The following ABR variants were observed in gnomAD, a reference collection of about 807,000 sequenced individuals.
The protein encoded by ABR is ABR activator of RhoGEF and GTPase.
In ABR, 35 loss-of-function variants were observed where a neutral mutation model predicts 107.2. That is an observed-to-expected ratio of 0.33 (90% CI 0.25 to 0.43). ABR has a LOEUF of 0.43. Among genes scored for constraint, ABR ranks in the 20% least tolerant of loss-of-function variants. ABR has a pLI of 1.00. For synonymous variants in ABR, 498 were observed against 462.0 expected (o/e 1.08, Z -1.00); for missense variants, 815 against 1,115.2 (o/e 0.73, Z 3.83).
In ABR at chr17:1,139,498, C is replaced by T. The variant is rs186452384; in HGVS notation, c.62-14131G>A. Among the ~76,000 whole-genome samples, 1,009 of 151,240 alleles carry T rather than the reference C, an allele frequency of 6.7e-3. 12 individuals are homozygous for T. The highest frequency in any genetic ancestry group is 0.023 in the African/African-American group (961 of 41,340). ...CCATCTCCTGACCTCGTGATCCACC[C>T]GCCTCGGCCTCCCAAAATGCTGGGA... On this transcript the variant is annotated intron_variant, in intron 1 of 22. Coordinates refer to ENST00000302538, the MANE Select transcript of ABR (RefSeq NM_021962.5).
chr17:1,004,667 G>A lies in ABR; in HGVS notation c.*1413C>T, dbSNP rs3744753. ...GTACCGGGCAATGCGTCTGCAAGTC[G>A]GGTCCCTGCTCCCTGGCGGGTGCCT... On this transcript the variant is annotated 3_prime_UTR_variant, in exon 23 of 23. Coordinates refer to ENST00000302538, the MANE Select transcript of ABR (RefSeq NM_021962.5). 0.048 allele frequency: 9,236 copies of A among 192,852 alleles called. 363 individuals are homozygous for A. Among genetic ancestry groups the A allele is most frequent in the East Asian group, 0.2 (1,709 of 8,540 alleles). 11.9% of individuals were successfully genotyped at this position (192,852 alleles called of 1,614,324 possible).
At chr17:1,176,801 C>T (rs911536078) in intron 1 of ABR, among the ~76,000 whole-genome samples, 2 of 151,486 alleles carry the variant, frequency 1.3e-5, no homozygotes, top group African/African-American at 2.4e-5. Flanking sequence ...GAGCCAAGAT[C>T]GCACCACTGC....
At chr17:1,167,919 G>C (rs540480508) in intron 1 of ABR, among the ~76,000 whole-genome samples, 1 of 152,190 alleles carries the variant, frequency 6.6e-6, no homozygotes. Context: ...TTGGGAGGCC[G>C]AGGCGGACAG....
At position 1,096,899 on chromosome 17, in the gene ABR, G is replaced by A. The variant is rs550633382; in HGVS notation, c.345+3738C>T. On this transcript the variant is annotated intron_variant, in intron 3 of 22. Coordinates refer to ENST00000302538, the MANE Select transcript of ABR (RefSeq NM_021962.5). ...GCCCCAGGAGGAGACAGCTGGGGAA[G>A]GGGGGAAACCTGCCCCGGGAGAGAG... Among the ~76,000 whole-genome samples, 4 of 148,648 alleles carry A rather than the reference G, an allele frequency of 2.7e-5. No homozygotes were observed. The East Asian group carries it at 6.1e-4, about 23-fold the overall frequency.
upstream of ABR, among the ~76,000 whole-genome samples, chr17:1,189,889 G>A (rs1054955586): frequency 7.4e-6 from 1 of 135,368 alleles, no homozygotes; most frequent in Non-Finnish European, 1.5e-5. Context: ...AATAGTTTCA[G>A]TGAATGAATG....
intron 2 of ABR, among the ~76,000 whole-genome samples, chr17:1,123,877 GC>G (rs1387697823): frequency 1.3e-5 from 2 of 152,178 alleles, no homozygotes; most frequent in Non-Finnish European, 2.9e-5. Context: ...CAAAAACCCT[GC>G]CCCCGCAGGT....
intron 16 of ABR, chr17:1,031,808 T>C (rs1470960804): frequency 8.8e-7 from 1 of 1,131,990 alleles, no homozygotes; most frequent in African/African-American, 1.7e-5. Flanking sequence ...CGGCTGCCAG[T>C]CCCGCTAGTT....
intron 1 of ABR, among the ~76,000 whole-genome samples, chr17:1,185,871 T>C (rs2042280453): frequency 6.6e-6 from 1 of 151,902 alleles, no homozygotes; most frequent in Admixed American, 6.6e-5. Flanking sequence ...AGTTTCACTC[T>C]TATTGCCTGG....
chr17:1,014,114 C>T (rs1483488543), intron 16 of ABR, among the ~76,000 whole-genome samples: 1 of 152,176 alleles, frequency 6.6e-6, no homozygotes, highest in East Asian at 1.9e-4. Flanking sequence ...GATCTAAATA[C>T]CCCAGCGACG....
chr17:1,178,960 C>T (rs2042017843), intron 1 of ABR, among the ~76,000 whole-genome samples: 2 of 151,350 alleles, frequency 1.3e-5, no homozygotes, highest in South Asian at 2.1e-4. Context: ...TCACATGATC[C>T]AGAGAGATTT....
chr17:1,059,576 C>T (rs2033697542), intron 10 of ABR, among the ~76,000 whole-genome samples: 1 of 152,202 alleles, frequency 6.6e-6, no homozygotes, highest in Admixed American at 6.5e-5. Flanking sequence ...AGGGTTCCAG[C>T]CTCCCTGCCC....
At chr17:1,074,889 C>T (rs184520081) in intron 6 of ABR, among the ~76,000 whole-genome samples, 211 of 152,214 alleles carry the variant, frequency 1.4e-3, no homozygotes, top group African/African-American at 4.8e-3. Context: ...GAAGTTGTAG[C>T]GAGCCAAGAT....
Position 1,179,312 on chromosome 17 carries a change from G to T in ABR, c.61+355C>A, listed in dbSNP as rs2042034086. On this transcript the variant is annotated intron_variant, in intron 1 of 22. Coordinates refer to ENST00000302538, the MANE Select transcript of ABR (RefSeq NM_021962.5). This position sits in a 1 kb window ranked among gnomAD's most constrained non-coding sequence, Gnocchi z 4.9. ...CAGGGGCGGGGGCAGCACCCAGAAG[G>T]GCCTCCCTCCCCTGAGGCTCGCGGA... Among the ~76,000 whole-genome samples the T allele has an allele frequency of 6.6e-6, 1 of 151,984 alleles. No individual in the cohort carries two copies. The highest frequency in any genetic ancestry group is 1.5e-5 in the Non-Finnish European group (1 of 67,980).
intron 1 of ABR, among the ~76,000 whole-genome samples, chr17:1,199,676 C>A (rs903496278): frequency 2.6e-5 from 4 of 152,152 alleles, no homozygotes; most frequent in Admixed American, 2.0e-4. Context: ...CTCAGTTGAA[C>A]TCCTGACCTC....
rs1293997015 is a variant in ABR at position 1,078,400 on chromosome 17, C to G, written c.700+930G>C. Among the ~76,000 whole-genome samples the G allele has an allele frequency of 2.0e-5, 3 of 152,180 alleles. No individual in the cohort carries two copies. The highest frequency in any genetic ancestry group is 4.4e-5 in the Non-Finnish European group (3 of 68,026). ...CTCGCGCTGGCACCCTCTCGGCTGG[C>G]AACGCCGCCGTCCGGACCATCGCCA... On this transcript the variant is annotated intron_variant, in intron 6 of 22. Transcript: ENST00000302538. This position sits in a 1 kb window ranked among gnomAD's most constrained non-coding sequence, Gnocchi z 7.5.
chr17:1,011,868 C>A lies in ABR; in HGVS notation c.2079G>T (p.Ala693=). 3 of 1,591,818 alleles carry A rather than the reference C, an allele frequency of 1.9e-6. No homozygotes were observed. Among genetic ancestry groups the A allele is most frequent in the Non-Finnish European group, 2.6e-6 (3 of 1,164,300 alleles). ...RISGVATDIQ[A]LKAVFDANNK... is the part of the protein sequence containing the mutation. Reference sequence around the variant, plus strand: ...CACTGGCATCGAAGACGGCCTTGAGCGCCTGGATGTCCGTGGCCACGCCCG... The same window carrying A: ...CACTGGCATCGAAGACGGCCTTGAGAGCCTGGATGTCCGTGGCCACGCCCG... Residue 693 remains alanine, a synonymous_variant, in exon 19 of 23, where the codon GCG becomes GCT. Coordinates refer to ENST00000302538, the MANE Select transcript of ABR (RefSeq NM_021962.5). The surrounding 1 kb of genome is among the most constrained non-coding windows in gnomAD (Gnocchi z 4.8).
In ABR at chr17:1,179,780, A is replaced by G; in HGVS notation, c.-53T>C. The stretch of plus-strand genomic sequence containing the variant: ...AAACCCGACCCTCATCGCGCAACAA[A>G]GGAGGGAGAGCGGGCGGGAGCCGGG... On this transcript the variant is annotated 5_prime_UTR_variant, in exon 1 of 23. Transcript: ENST00000302538. The surrounding 1 kb of genome is among the most constrained non-coding windows in gnomAD (Gnocchi z 4.9). 5 of 407,778 alleles carry G rather than the reference A, an allele frequency of 1.2e-5. No homozygotes were observed. The highest frequency in any genetic ancestry group is 2.2e-5 in the South Asian group (1 of 46,384). The allele number at this position is 407,778 out of a possible 1,614,324, so 25.3% of individuals were successfully genotyped here.
intron 2 of ABR, among the ~76,000 whole-genome samples, chr17:1,104,160 C>T (rs2038092157): frequency 6.6e-6 from 1 of 152,190 alleles, no homozygotes; most frequent in Non-Finnish European, 1.5e-5. Context: ...TGCCTGTCCT[C>T]ACTTCCTCCC....
intron 16 of ABR, among the ~76,000 whole-genome samples, chr17:1,032,987 G>A (rs1457838483): frequency 6.6e-6 from 1 of 152,170 alleles, no homozygotes; most frequent in South Asian, 2.1e-4. Context: ...GTTCTAGAGA[G>A]GTGAGGACAG....
Sources: gnomAD v4.1 joint callset for allele counts (sites outside exome capture counted in the v4.1 genomes callset) on GRCh38, gnomAD v4.1.1 for gene constraint, Gnocchi (gnomAD v3.1) non-coding constraint, MANE v1.5 for transcripts, NCBI Gene and HGNC (gene_info 2026-07-23, HGNC 2026-07-21) for gene names.